NCAM2: variants seen among roughly 807,000 people sequenced by gnomAD.
The protein encoded by NCAM2 is neural cell adhesion molecule 2.
Under a neutral mutation model 98.1 loss-of-function variants are expected in NCAM2, and 30 were observed. The observed-to-expected ratio is 0.31, with a 90% CI of 0.23 to 0.41. The LOEUF (loss-of-function observed/expected upper bound fraction) is 0.41. Among genes scored for constraint, NCAM2 ranks in the 10% least tolerant of loss-of-function variants. NCAM2 has a pLI of 1.00. For missense variants in NCAM2, 867 were observed against 1,005.8 expected, an observed-to-expected ratio of 0.86 and a Z score of 1.87; for synonymous variants, 368 against 342.4, an observed-to-expected ratio of 1.07 and a Z score of -0.83.
At chr21:21,042,344 C>T (rs952257197) in intron 1 of NCAM2, among the ~76,000 whole-genome samples, 1 of 152,038 alleles carries the variant, frequency 6.6e-6, no homozygotes, top group African/African-American at 2.4e-5. Context: ...ACCACCACAC[C>T]CAGCTAATTT....
intron 15 of NCAM2, among the ~76,000 whole-genome samples, chr21:21,477,820 A>T (rs1487386588): frequency 6.6e-6 from 1 of 152,170 alleles, no homozygotes; most frequent in Non-Finnish European, 1.5e-5. Flanking sequence ...TCATGTGGAG[A>T]CTGATGATCC....
At chr21:21,123,522 C>A (rs569003658) in intron 1 of NCAM2, among the ~76,000 whole-genome samples, 14 of 152,228 alleles carry the variant, frequency 9.2e-5, no homozygotes, top group African/African-American at 3.4e-4. Flanking sequence ...TCTAATCCCA[C>A]CCCCGTGGTG....
intron 6 of NCAM2, among the ~76,000 whole-genome samples, chr21:21,332,792 C>G (rs1394260574): frequency 6.6e-6 from 1 of 152,162 alleles, no homozygotes; most frequent in Non-Finnish European, 1.5e-5. Context: ...AAACTCTCTT[C>G]AGGCAGTCAG....
At chr21:21,110,160 G>A (rs562360072) in intron 1 of NCAM2, among the ~76,000 whole-genome samples, 45 of 152,228 alleles carry the variant, frequency 3.0e-4, no homozygotes, top group Middle Eastern at 6.8e-3. Context: ...GGGCTTCAGC[G>A]TCCTCATGAC....
At chr21:21,146,090 T>C (rs2067267790) in intron 1 of NCAM2, among the ~76,000 whole-genome samples, 2 of 152,178 alleles carry the variant, frequency 1.3e-5, no homozygotes, top group African/African-American at 4.8e-5. Flanking sequence ...AGAATATGAA[T>C]TTAATAATTT....
At chr21:21,427,084 G>A (rs1246789085) in intron 11 of NCAM2, among the ~76,000 whole-genome samples, 1 of 152,186 alleles carries the variant, frequency 6.6e-6, no homozygotes, top group Non-Finnish European at 1.5e-5. Flanking sequence ...AGCACAGTTA[G>A]TGTCTATGAA....
intron 9 of NCAM2, chr21:21,385,636 A>G: frequency 2.3e-6 from 3 of 1,287,816 alleles, no homozygotes; most frequent in Non-Finnish European, 3.0e-6. Flanking sequence ...CTTCCAGTTC[A>G]TTTTCAACAT....
chr21:21,238,555 T>TC (rs36038096), intron 1 of NCAM2, among the ~76,000 whole-genome samples: 1 of 198 alleles, frequency 5.1e-3, no homozygotes, highest in Admixed American at 0.083. Context: ...AGTGAACATT[T>TC]AGTTTGGGGG....
At chr21:21,276,273 A>G (rs2072725289) in intron 1 of NCAM2, among the ~76,000 whole-genome samples, 1 of 152,044 alleles carries the variant, frequency 6.6e-6, no homozygotes, top group Non-Finnish European at 1.5e-5. Context: ...GCTATTTTTG[A>G]GTATGATCAT....
At chr21:21,184,071 T>A (rs2068561932) in intron 1 of NCAM2, among the ~76,000 whole-genome samples, 1 of 152,096 alleles carries the variant, frequency 6.6e-6, no homozygotes, top group Admixed American at 6.6e-5. Context: ...ACTTATATAG[T>A]AATACAAGTA....
chr21:21,353,748 C>T (rs2147954090), intron 8 of NCAM2, among the ~76,000 whole-genome samples: 1 of 152,210 alleles, frequency 6.6e-6, no homozygotes, highest in Admixed American at 6.5e-5. Flanking sequence ...GGCCATTATA[C>T]ACCTTTCACA....
chr21:21,186,210 C>G (rs2068635943), intron 1 of NCAM2, among the ~76,000 whole-genome samples: 1 of 152,092 alleles, frequency 6.6e-6, no homozygotes, highest in South Asian at 2.1e-4. Context: ...TCAAAGGTCA[C>G]AAGGGTAATA....
chr21:21,297,289 C>T (rs1357653337), intron 5 of NCAM2, among the ~76,000 whole-genome samples: 1 of 151,664 alleles, frequency 6.6e-6, no homozygotes, highest in Non-Finnish European at 1.5e-5. Flanking sequence ...CTTCAGTATT[C>T]TATTTTCAGT....
chr21:21,459,085 G>A (rs534233889), intron 12 of NCAM2, among the ~76,000 whole-genome samples: 1 of 152,214 alleles, frequency 6.6e-6, no homozygotes, highest in South Asian at 2.1e-4. Flanking sequence ...TGGCCAATAG[G>A]TATATGAAAC....
chr21:21,537,148 A>C lies in NCAM2; in HGVS notation c.2403-698A>C, dbSNP rs145508549. On this transcript the variant is annotated intron_variant, in intron 17 of 17. Transcript: ENST00000400546. Reference sequence around the variant, plus strand: ...GAGTCTTGCTCTGTTGCCCAGGCTGAAGTGCAGTGGCATGATCTCAGCTCA... The same window carrying C: ...GAGTCTTGCTCTGTTGCCCAGGCTGCAGTGCAGTGGCATGATCTCAGCTCA... Among the ~76,000 whole-genome samples, 200 of 152,028 alleles carry C rather than the reference A, an allele frequency of 1.3e-3. 1 individual carries two copies. Among genetic ancestry groups the C allele is most frequent in the Middle Eastern group, 3.4e-3 (1 of 294 alleles).
chr21:21,531,079 T>C (rs1989666996), intron 16 of NCAM2, among the ~76,000 whole-genome samples: 1 of 152,158 alleles, frequency 6.6e-6, no homozygotes, highest in African/African-American at 2.4e-5. Context: ...TTTTTTTGGT[T>C]ACTTTGTTTT....
rs1188580694 is a variant in NCAM2, at chr21:21,373,931, G to A, written c.1113G>A (p.Lys371=). Residue 371 remains lysine, a synonymous_variant, in exon 9 of 18, where the codon AAG becomes AAA. Transcript: ENST00000400546. ...GSSSLHIKDV[K]LSDSGRYDCE... is the part of the protein sequence containing the mutation. ...CATCACTGCATATTAAAGATGTGAA[G>A]TTGTCAGATTCAGGGAGATATGACT... is the stretch of plus-strand genomic sequence containing the variant. 22 of 1,611,162 alleles carry A rather than the reference G, an allele frequency of 1.4e-5. No individual in the cohort carries two copies. The highest frequency in any genetic ancestry group is 1.7e-5 in the Non-Finnish European group (20 of 1,178,326).
At chr21:21,044,821 T>G (rs1164093210) in intron 1 of NCAM2, among the ~76,000 whole-genome samples, 2 of 151,944 alleles carry the variant, frequency 1.3e-5, no homozygotes, top group African/African-American at 4.8e-5. Context: ...AAAAATTTGT[T>G]GGGCATGGTG....
At chr21:21,416,084 C>T (rs2076989046) in intron 10 of NCAM2, among the ~76,000 whole-genome samples, 1 of 152,096 alleles carries the variant, frequency 6.6e-6, no homozygotes, top group South Asian at 2.1e-4. Flanking sequence ...TCATGTTTAG[C>T]TTTTGATTTA....
Sources: gnomAD v4.1 joint callset for allele counts (sites outside exome capture counted in the v4.1 genomes callset) on GRCh38, gnomAD v4.1.1 for gene constraint, MANE v1.5 for transcripts, NCBI Gene and HGNC (gene_info 2026-07-23, HGNC 2026-07-21) for gene names.